The following OGDH variants were observed in gnomAD, a reference collection of about 807,000 sequenced individuals.
The protein encoded by OGDH is oxoglutarate dehydrogenase.
A neutral mutation model predicts 116.6 loss-of-function variants in OGDH; 38 were observed. That is an observed-to-expected ratio of 0.33 (90% CI 0.25 to 0.43). OGDH has a LOEUF of 0.43. Among genes scored for constraint, OGDH ranks in the 20% least tolerant of loss-of-function variants. OGDH has a pLI of 1.00. For missense variants in OGDH, 825 were observed against 1,357.2 expected (o/e 0.61, Z 6.16); for synonymous variants, 488 against 533.3 (o/e 0.92, Z 1.17).
intron 7 of OGDH, chr7:44,674,803 A>G: frequency 1.8e-6 from 1 of 559,952 alleles, no homozygotes; most frequent in South Asian, 2.1e-5. Flanking sequence ...TTGGCCTTAC[A>G]GTGCATCTTT....
chr7:44,696,317 G>A (rs1330007269), intron 13 of OGDH, 112 bp from the exon 14 acceptor site: 31 of 1,361,542 alleles, frequency 2.3e-5, no homozygotes, highest in Non-Finnish European at 3.2e-5. Context: ...GGAACACAGT[G>A]TGAGCTACAT....
intron 2 of OGDH, among the ~76,000 whole-genome samples, chr7:44,625,795 A>G (rs910779542): frequency 6.6e-6 from 1 of 151,868 alleles, no homozygotes; most frequent in African/African-American, 2.4e-5. Flanking sequence ...TTTAAGTATT[A>G]GTGACACTTA....
intron 9 of OGDH, among the ~76,000 whole-genome samples, chr7:44,677,878 GAAAA>G (rs777625844): frequency 1.1e-5 from 1 of 88,004 alleles, no homozygotes; most frequent in Non-Finnish European, 2.4e-5. Context: ...CTTCTCAAAG[GAAAA>G]AAAAAAAAAA....
intron 1 of OGDH, among the ~76,000 whole-genome samples, chr7:44,613,802 CTTTTTTTTT>C (rs11397029): frequency 9.4e-6 from 1 of 106,376 alleles, no homozygotes; most frequent in Non-Finnish European, 1.8e-5. Context: ...AGCCACCTGG[CTTTTTTTTT>C]TTTTTTTTTT....
chr7:44,624,500 A>T lies in OGDH; in HGVS notation c.157A>T (p.Thr53Ser). ...PVAAEPFLSG[T>S]SSNYVEEMYC... ...TGCTGCTGAGCCCTTTCTCAGTGGG[A>T]CTAGTTCGAACTATGTGGAGGAGAT... Residue 53 changes from threonine (T) to serine (S), a missense_variant, in exon 2 of 23, where the codon ACT becomes TCT. By Grantham distance (58) the Thr-to-Ser change is moderately conservative. Coordinates refer to ENST00000222673, the MANE Select transcript of OGDH (RefSeq NM_002541.4). 4 of 1,613,870 alleles carry T rather than the reference A, an allele frequency of 2.5e-6. No individual in the cohort carries two copies. The highest frequency in any genetic ancestry group is 3.4e-6 in the Non-Finnish European group (4 of 1,179,984).
chr7:44,707,301 C>A lies in OGDH; in HGVS notation c.2709C>A (p.Phe903Leu), dbSNP rs1182107571. ...QNPENVKRLL[F>L]CTGKVYYDLT... Reference sequence around the variant, plus strand: ...CAGAAAATGTCAAAAGGCTTCTCTTCTGCACCGGCAAAGTGTATTATGACC... The same window carrying A: ...CAGAAAATGTCAAAAGGCTTCTCTTATGCACCGGCAAAGTGTATTATGACC... The change falls in exon 21 of 23, where the codon TTC becomes TTA. Residue 903 changes from phenylalanine (F) to leucine (L), a missense_variant. Physicochemically the swap from Phe to Leu is conservative, Grantham distance 22 (BLOSUM62 0). Coordinates refer to ENST00000222673, the MANE Select transcript of OGDH (RefSeq NM_002541.4). This position sits in a 1 kb window ranked among gnomAD's most constrained non-coding sequence, Gnocchi z 5.2. The A allele has an allele frequency of 1.2e-6, 2 of 1,614,270 alleles. No individual in the cohort carries two copies. Among genetic ancestry groups the A allele is most frequent in the Admixed American group, 3.3e-5 (2 of 60,032 alleles).
intron 10 of OGDH, among the ~76,000 whole-genome samples, chr7:44,683,076 G>T (rs1035199628): frequency 1.1e-4 from 17 of 152,182 alleles, no homozygotes; most frequent in African/African-American, 4.1e-4. Context: ...GTGAACCCGG[G>T]AGGTGGAGCT....
intron 4 of OGDH, among the ~76,000 whole-genome samples, chr7:44,655,671 G>A (rs955571361): frequency 6.6e-6 from 1 of 152,216 alleles, no homozygotes; most frequent in Non-Finnish European, 1.5e-5. Context: ...GATTTCACCA[G>A]TGGCTCAGAA....
chr7:44,704,765 C>T (rs1256879102), intron 20 of OGDH, among the ~76,000 whole-genome samples: 1 of 151,898 alleles, frequency 6.6e-6, no homozygotes, highest in African/African-American at 2.4e-5. Flanking sequence ...GGCTGGAGTG[C>T]ATTAGTGCAA....
chr7:44,660,422 A>G (rs1006151268), intron 4 of OGDH, among the ~76,000 whole-genome samples: 1 of 152,006 alleles, frequency 6.6e-6, no homozygotes, highest in Non-Finnish European at 1.5e-5. Context: ...TTAGTTTCCA[A>G]GTGTTTGGAG....
chr7:44,697,163 G>A lies in OGDH; in HGVS notation c.2051+99G>A. On this transcript the variant is annotated intron_variant, in intron 15 of 22. Coordinates refer to ENST00000222673, the MANE Select transcript of OGDH (RefSeq NM_002541.4). This position sits in a 1 kb window ranked among gnomAD's most constrained non-coding sequence, Gnocchi z 6.0. ...TCCGGAAGACGGTTAGAAACCGGAAGAGTCACATTGCTCTCAGGCTGAAAA... is the reference window on the plus strand; with the variant it reads ...TCCGGAAGACGGTTAGAAACCGGAAAAGTCACATTGCTCTCAGGCTGAAAA... The A allele has an allele frequency of 6.6e-7, 1 of 1,515,528 alleles. No homozygotes were observed. Among genetic ancestry groups the A allele is most frequent in the Non-Finnish European group, 9.0e-7 (1 of 1,114,082 alleles). 93.9% of individuals were successfully genotyped at this position (1,515,528 alleles called of 1,614,324 possible). A position where few individuals can be genotyped will look rare whatever the true frequency, so the allele number is the denominator to read the frequency against.
chr7:44,645,587 T>G, intron 3 of OGDH, 69 bp downstream of exon 3: 2 of 1,435,566 alleles, frequency 1.4e-6, no homozygotes, highest in Non-Finnish European at 1.9e-6. Context: ...TCATGGGCCC[T>G]ATTGGCCTTT....
chr7:44,657,448 TGAG>T (rs1333005462), intron 4 of OGDH, among the ~76,000 whole-genome samples: 1 of 152,256 alleles, frequency 6.6e-6, no homozygotes, highest in Non-Finnish European at 1.5e-5. Flanking sequence ...TTTTTATTGC[TGAG>T]TAGTATTCCA....
chr7:44,616,865 A>G (rs1208646434), intron 1 of OGDH, among the ~76,000 whole-genome samples: 2 of 85,740 alleles, frequency 2.3e-5, no homozygotes, highest in African/African-American at 4.2e-5. Flanking sequence ...ATACACATAT[A>G]TATATACGTA....
intron 1 of OGDH, among the ~76,000 whole-genome samples, chr7:44,616,982 T>G (rs1784831337): frequency 7.3e-6 from 1 of 136,130 alleles, no homozygotes; most frequent in African/African-American, 2.7e-5. Flanking sequence ...TCGTCCAGGC[T>G]GGAGTGCAGT....
chr7:44,698,879 C>T (rs1788704229), intron 18 of OGDH, among the ~76,000 whole-genome samples: 1 of 151,130 alleles, frequency 6.6e-6, no homozygotes, highest in South Asian at 2.1e-4. Flanking sequence ...GGTGTGGTGG[C>T]TCAAGCCTGA....
rs375426570 is a variant in OGDH at position 44,624,612 on chromosome 7, C to T, written c.222+47C>T. On this transcript the variant is annotated intron_variant, in intron 2 of 22. Transcript: ENST00000222673. ...GTCTGCCTCATGTTGGTGTGTTGGCCTGTTCCTGACTGGTCACCAGGTAAG... is the reference window on the plus strand; with the variant it reads ...GTCTGCCTCATGTTGGTGTGTTGGCTTGTTCCTGACTGGTCACCAGGTAAG... The T allele has an allele frequency of 2.6e-6, 4 of 1,514,418 alleles. No homozygotes were observed. In the East Asian group the frequency reaches 6.8e-5, roughly 26 times the overall value. The allele number at this position is 1,514,418 out of a possible 1,614,324, so 93.8% of individuals were successfully genotyped here. A position where few individuals can be genotyped will look rare whatever the true frequency, so the allele number is the denominator to read the frequency against.
intron 2 of OGDH, among the ~76,000 whole-genome samples, chr7:44,637,375 A>G (rs1785716851): frequency 6.6e-6 from 1 of 152,188 alleles, no homozygotes; most frequent in Non-Finnish European, 1.5e-5. Flanking sequence ...GTGAATTTAC[A>G]CGTTTACTGG....
In OGDH at chr7:44,656,267, C is replaced by G. The variant is rs551515244; in HGVS notation, c.517+8508C>G. 21 of 1,529,742 alleles carry G rather than the reference C, an allele frequency of 1.4e-5. No individual in the cohort carries two copies. In the South Asian group the frequency reaches 2.5e-4, roughly 18 times the overall value. The allele number at this position is 1,529,742 out of a possible 1,614,324, so 94.8% of individuals were successfully genotyped here. On this transcript the variant is annotated intron_variant, in intron 4 of 22. Transcript: ENST00000222673. ...TGGGTCTTTTTTAAACTAACTCTCACCTGTCTTTTTCCTTCTGCGCTCACC... is the reference window on the plus strand; with the variant it reads ...TGGGTCTTTTTTAAACTAACTCTCAGCTGTCTTTTTCCTTCTGCGCTCACC...
Sources: allele counts gnomAD v4.1 joint callset (sites outside exome capture counted in the v4.1 genomes callset), GRCh38; gene constraint gnomAD v4.1.1; non-coding constraint Gnocchi (gnomAD v3.1); transcripts MANE v1.5; gene names NCBI Gene and HGNC (gene_info 2026-07-23, HGNC 2026-07-21).